Variants in CNTN5 observed in about 807,000 individuals in gnomAD.
CNTN5 encodes the protein contactin 5.
CNTN5 carries 77 observed loss-of-function variants against 129.1 expected under a neutral mutation model. That is an observed-to-expected ratio of 0.60 (90% confidence interval 0.50 to 0.72). The LOEUF (loss-of-function observed/expected upper bound fraction) is 0.72. CNTN5 is among the 30% of genes least tolerant of loss of function. CNTN5 has a pLI of 0.00. For synonymous variants in CNTN5, 509 were observed against 465.6 expected (o/e 1.09, Z -1.20); for missense variants, 1,478 against 1,328.8 (o/e 1.11, Z -1.75).
chr11:99,046,933 T>C (rs1171424918), intron 1 of CNTN5, among the ~76,000 whole-genome samples: 2 of 152,066 alleles, frequency 1.3e-5, no homozygotes, highest in African/African-American at 4.8e-5. Context: ...TCAGAAATGA[T>C]TTCATAAAAT....
At chr11:100,090,854 C>T (rs1171984902) in intron 13 of CNTN5, among the ~76,000 whole-genome samples, 1 of 151,994 alleles carries the variant, frequency 6.6e-6, no homozygotes, top group Non-Finnish European at 1.5e-5. Context: ...TCTCTATCTA[C>T]ACACATAATA....
intron 3 of CNTN5, among the ~76,000 whole-genome samples, chr11:99,591,546 G>C (rs1176760366): frequency 6.6e-6 from 1 of 151,910 alleles, no homozygotes; most frequent in African/African-American, 2.4e-5. Context: ...CACCATGTTA[G>C]TCAGGATGGT....
intron 2 of CNTN5, among the ~76,000 whole-genome samples, chr11:99,542,595 T>C (rs1948154868): frequency 6.6e-6 from 1 of 152,218 alleles, no homozygotes; most frequent in South Asian, 2.1e-4. Flanking sequence ...TGGCCCCTAC[T>C]ACTAGATGCC....
At chr11:100,166,002 A>G (rs1195414900) in intron 13 of CNTN5, among the ~76,000 whole-genome samples, 1 of 151,726 alleles carries the variant, frequency 6.6e-6, no homozygotes, top group Non-Finnish European at 1.5e-5. Context: ...TCTGTCTCAT[A>G]AAAGAGTAGT....
intron 13 of CNTN5, among the ~76,000 whole-genome samples, chr11:100,075,056 T>C (rs1944074164): frequency 6.6e-6 from 1 of 152,180 alleles, no homozygotes; most frequent in Admixed American, 6.6e-5. Context: ...TTTGTTTAAT[T>C]GATCTAGAAG....
At chr11:100,289,892 G>C (rs953601636) in intron 18 of CNTN5, among the ~76,000 whole-genome samples, 15 of 150,882 alleles carry the variant, frequency 9.9e-5, no homozygotes, top group African/African-American at 3.4e-4. Context: ...TCCTTAAGCT[G>C]ATAAGCAACT....
At chr11:99,277,313 T>C (rs556680713) in intron 1 of CNTN5, among the ~76,000 whole-genome samples, 31 of 151,742 alleles carry the variant, frequency 2.0e-4, no homozygotes, top group Non-Finnish European at 3.1e-4. Context: ...TCCCCAGCAG[T>C]TGAATACTAA....
chr11:100,078,982 C>T (rs1354864447), intron 13 of CNTN5, among the ~76,000 whole-genome samples: 3 of 152,028 alleles, frequency 2.0e-5, no homozygotes, highest in Non-Finnish European at 4.4e-5. Context: ...TGGCGTAAGG[C>T]AAAGCAGGTG....
chr11:99,628,539 A>G (rs1265076959), intron 3 of CNTN5, among the ~76,000 whole-genome samples: 2 of 151,632 alleles, frequency 1.3e-5, no homozygotes, highest in East Asian at 3.9e-4. Context: ...TTCAACCAAA[A>G]CGTGTATAAA....
intron 13 of CNTN5, among the ~76,000 whole-genome samples, chr11:100,122,296 T>G (rs929364137): frequency 4.6e-5 from 7 of 151,980 alleles, no homozygotes; most frequent in Non-Finnish European, 1.0e-4. Flanking sequence ...AGGAGAAGAA[T>G]GTCTTCCAAG....
intron 2 of CNTN5, among the ~76,000 whole-genome samples, chr11:99,447,451 G>C (rs1944115705): frequency 6.6e-6 from 1 of 152,000 alleles, no homozygotes; most frequent in South Asian, 2.1e-4. Context: ...AATATAAGAA[G>C]ATAATAGAAA....
In CNTN5 at chr11:99,844,486, T is replaced by G. The variant is rs148193085; in HGVS notation, c.278-366T>G. ...TATTACTTTTGCGTGTGTATTATTT[T>G]TAACATTCTAAGAATTTTACAAACT... is the stretch of plus-strand genomic sequence containing the variant. On this transcript the variant is annotated intron_variant, in intron 4 of 24. Transcript: ENST00000524871. 4.0e-3 allele frequency: 1,231 copies of G among 310,114 alleles called. 15 individuals are homozygous for G. The highest frequency in any genetic ancestry group is 0.024 in the African/African-American group (1,029 of 43,362). 19.2% of individuals were successfully genotyped at this position (310,114 alleles called of 1,614,324 possible).
intron 9 of CNTN5, among the ~76,000 whole-genome samples, chr11:100,050,303 T>A (rs911976684): frequency 3.9e-5 from 6 of 152,098 alleles, no homozygotes; most frequent in Non-Finnish European, 5.9e-5. Context: ...CCATAAAAAA[T>A]GATGAGTTCA....
chr11:99,507,634 T>A (rs1193913913), intron 2 of CNTN5, among the ~76,000 whole-genome samples: 1 of 152,172 alleles, frequency 6.6e-6, no homozygotes, highest in African/African-American at 2.4e-5. Flanking sequence ...ATTTTATACA[T>A]AACATTTAGA....
rs541861601 is a variant in CNTN5 at position 100,326,978 on chromosome 11, G to T, written c.2731-13485G>T. On this transcript the variant is annotated intron_variant, in intron 21 of 24. Coordinates refer to ENST00000524871, the MANE Select transcript of CNTN5 (RefSeq NM_014361.4). ...GCAGTGGACAAAGTGAGATGCAGAA[G>T]TATAGAGACTATATCAGGTAGAGCC... Among the ~76,000 whole-genome samples, 21 of 152,336 alleles carry T rather than the reference G, an allele frequency of 1.4e-4. No homozygotes were observed. The South Asian group carries it at 2.5e-3, about 18-fold the overall frequency.
intron 3 of CNTN5, among the ~76,000 whole-genome samples, chr11:99,740,284 T>C (rs7107475): frequency 5.3e-5 from 8 of 152,006 alleles, no homozygotes; most frequent in Non-Finnish European, 1.2e-4. Flanking sequence ...TAAGAAAAAT[T>C]TGTACAATCT....
At chr11:100,086,044 C>T (rs1439768564) in intron 13 of CNTN5, among the ~76,000 whole-genome samples, 1 of 151,726 alleles carries the variant, frequency 6.6e-6, no homozygotes, top group East Asian at 1.9e-4. Flanking sequence ...AGGGTATAGA[C>T]TATGTATCAA....
At chr11:99,176,194 T>C (rs1297292450) in intron 1 of CNTN5, among the ~76,000 whole-genome samples, 2 of 152,230 alleles carry the variant, frequency 1.3e-5, no homozygotes, top group Non-Finnish European at 2.9e-5. Context: ...CGTGTTTCTT[T>C]TTTCCTACAA....
At position 99,881,246 on chromosome 11, in the gene CNTN5, TACAA is replaced by T. The variant is rs1162370817; in HGVS notation, c.578-34805_578-34802del. On this transcript the variant is annotated intron_variant, in intron 6 of 24. Coordinates refer to ENST00000524871, the MANE Select transcript of CNTN5 (RefSeq NM_014361.4). ...CTACATACTACACACTCTTGTGAAA[TACAA>T]ACCACAGTACATGGTTTCACAGGAT... 2.6e-5 allele frequency among the ~76,000 whole-genome samples: 4 copies of T among 152,304 alleles called. No homozygotes were observed. The East Asian group carries it at 5.8e-4, about 22-fold the overall frequency.
Sources: gnomAD v4.1 joint callset for allele counts (sites outside exome capture counted in the v4.1 genomes callset) on GRCh38, gnomAD v4.1.1 for gene constraint, MANE v1.5 for transcripts, NCBI Gene and HGNC (gene_info 2026-07-23, HGNC 2026-07-21) for gene names.